Variants in FOXP2 observed in about 807,000 individuals in gnomAD.
The protein encoded by FOXP2 is forkhead box P2.
A neutral mutation model predicts 115.8 loss-of-function variants in FOXP2; 12 were observed. The ratio of observed to expected loss-of-function variants is 0.10; its 90% CI spans 0.07 to 0.17. The LOEUF is 0.17. Ranked by LOEUF, FOXP2 falls within the 10% of genes least tolerant of loss-of-function variation. FOXP2 has a pLI of 1.00. For synonymous variants in FOXP2, 328 were observed against 297.7 expected, an observed-to-expected ratio of 1.10 and a Z score of -1.05; for missense variants, 629 against 843.5, an observed-to-expected ratio of 0.75 and a Z score of 3.15.
chr7:114,158,615 C>A (rs1171277202), upstream of FOXP2, among the ~76,000 whole-genome samples: 2 of 151,978 alleles, frequency 1.3e-5, no homozygotes, highest in African/African-American at 4.8e-5. Context: ...ATATTTTTGT[C>A]TTTAGGTATT....
intron 3 of FOXP2, among the ~76,000 whole-genome samples, chr7:114,574,360 A>G (rs1469966025): frequency 2.6e-5 from 4 of 151,826 alleles, no homozygotes; most frequent in Non-Finnish European, 5.9e-5. Flanking sequence ...ATTGTTAGAG[A>G]ATACTTTTCA....
chr7:114,111,022 T>A (rs886981893), intron 1 of FOXP2, among the ~76,000 whole-genome samples: 3 of 152,254 alleles, frequency 2.0e-5, no homozygotes, highest in Admixed American at 1.3e-4. Context: ...GGAAAGAAAC[T>A]TTGTTAAATA....
At chr7:114,448,638 T>G (rs1037126835) in intron 2 of FOXP2, among the ~76,000 whole-genome samples, 3 of 152,112 alleles carry the variant, frequency 2.0e-5, no homozygotes, top group Non-Finnish European at 2.9e-5. Flanking sequence ...AATATACAAT[T>G]ACTTAGCCAT....
intron 2 of FOXP2, among the ~76,000 whole-genome samples, chr7:114,299,329 T>G (rs1390787371): frequency 2.0e-5 from 3 of 152,044 alleles, no homozygotes; most frequent in Admixed American, 2.0e-4. Flanking sequence ...TTCTCTTTTT[T>G]CTTTGCTAAC....
intron 16 of FOXP2, among the ~76,000 whole-genome samples, chr7:114,686,748 T>C (rs1459137560): frequency 6.6e-6 from 1 of 152,132 alleles, no homozygotes; most frequent in Non-Finnish European, 1.5e-5. Context: ...AATCTAAAAA[T>C]TTTGTGTGTA....
intron 3 of FOXP2, among the ~76,000 whole-genome samples, chr7:114,559,383 C>T (rs1800639842): frequency 6.6e-6 from 1 of 152,010 alleles, no homozygotes; most frequent in African/African-American, 2.4e-5. Flanking sequence ...GTGGAGACAG[C>T]CTGGATTCTG....
At position 114,463,371 on chromosome 7, in the gene FOXP2, C is replaced by G. The variant is rs141923073; in HGVS notation, c.168+36692C>G. Among the ~76,000 whole-genome samples, 1,093 of 152,238 alleles carry G rather than the reference C, an allele frequency of 7.2e-3. 15 individuals are homozygous for G. Among genetic ancestry groups the G allele is most frequent in the African/African-American group, 0.025 (1,027 of 41,538 alleles). ...TAAATGTTCCATACTCTTTGCTGTT[C>G]AACACAATGGCCACTATCCACATGT... On this transcript the variant is annotated intron_variant, in intron 2 of 16. Coordinates refer to ENST00000350908, the MANE Select transcript of FOXP2 (RefSeq NM_014491.4).
At chr7:114,435,695 A>G (rs1413804785) in intron 2 of FOXP2, among the ~76,000 whole-genome samples, 7 of 151,922 alleles carry the variant, frequency 4.6e-5, no homozygotes. Context: ...GTACCACCAT[A>G]CCCGGCTAAT....
chr7:114,248,042 A>C (rs1432650696), intron 1 of FOXP2, among the ~76,000 whole-genome samples: 2 of 152,104 alleles, frequency 1.3e-5, no homozygotes. Context: ...AACATCCAAG[A>C]TCTGTTGATG....
At chr7:114,517,210 T>C (rs564358783) in intron 2 of FOXP2, among the ~76,000 whole-genome samples, 1 of 152,274 alleles carries the variant, frequency 6.6e-6, no homozygotes, top group South Asian at 2.1e-4. Context: ...GTTTTCTTAT[T>C]ATTGAGTTGT....
intron 2 of FOXP2, among the ~76,000 whole-genome samples, chr7:114,472,704 G>T (rs745994188): frequency 6.6e-6 from 1 of 152,096 alleles, no homozygotes; most frequent in Non-Finnish European, 1.5e-5. Flanking sequence ...TCATAGATTT[G>T]TACTTGGTCT....
rs1331241429 is a variant in FOXP2 at position 114,631,636 on chromosome 7, C to T, written c.706C>T (p.Leu236Phe). The T allele has an allele frequency of 3.1e-6, 5 of 1,613,964 alleles. No individual in the cohort carries two copies. Among genetic ancestry groups the T allele is most frequent in the Non-Finnish European group, 4.2e-6 (5 of 1,180,022 alleles). ...QLQQQQHLLS[L>F]QRQGLISIPP... ...CCAGCAGCAGCAGCATCTGCTCAGC[C>T]TTCAGCGTCAGGGACTCATCTCCAT... Residue 236 changes from leucine (L) to phenylalanine (F), a missense_variant, in exon 6 of 17, where the codon CTT (leucine) becomes TTT (phenylalanine). This residue lies in a region of FOXP2 where 138 missense variants were observed against 205.1 expected (regional missense o/e 0.67). Transcript: ENST00000350908.
chr7:114,226,983 T>TGTTGAACC (rs1364905887), intron 1 of FOXP2, among the ~76,000 whole-genome samples: 1 of 152,160 alleles, frequency 6.6e-6, no homozygotes, highest in Non-Finnish European at 1.5e-5. Context: ...TACTCTAGTA[T>TGTTGAACC]GTTGAACCAC....
At chr7:114,341,592 TG>T (rs149794213) in intron 2 of FOXP2, among the ~76,000 whole-genome samples, 2,048 of 151,542 alleles carry the variant, frequency 0.014, 48 homozygotes, top group African/African-American at 0.047. Context: ...TAGGTGTTGA[TG>T]GCCTATAACT....
intron 2 of FOXP2, among the ~76,000 whole-genome samples, chr7:114,506,892 A>C (rs1158680112): frequency 6.6e-6 from 1 of 151,766 alleles, no homozygotes. Flanking sequence ...TATAAGCTAT[A>C]TTTATTGTGG....
intron 2 of FOXP2, chr7:114,288,153 T>C (rs1248735984): frequency 4.5e-6 from 2 of 445,500 alleles, no homozygotes; most frequent in Admixed American, 4.9e-5. Context: ...TCATTGTGCT[T>C]ATTTTTATTT....
At chr7:114,418,113 G>A (rs1208545954) in intron 1 of FOXP2, among the ~76,000 whole-genome samples, 2 of 152,042 alleles carry the variant, frequency 1.3e-5, no homozygotes, top group Middle Eastern at 3.4e-3. Flanking sequence ...GTGGTTATCT[G>A]TTTTTGTAGA....
intron 2 of FOXP2, among the ~76,000 whole-genome samples, chr7:114,325,500 AT>A (rs1584637341): frequency 1.3e-5 from 2 of 151,778 alleles, no homozygotes; most frequent in African/African-American, 2.4e-5. Flanking sequence ...ATGACTGATA[AT>A]TTTTTTTAAT....
At chr7:114,346,845 T>C (rs1791360929) in intron 2 of FOXP2, among the ~76,000 whole-genome samples, 1 of 151,624 alleles carries the variant, frequency 6.6e-6, no homozygotes, top group Non-Finnish European at 1.5e-5. Context: ...AAAGCTACAA[T>C]GAGGAGGAAT....
Sources: allele counts gnomAD v4.1 joint callset (sites outside exome capture counted in the v4.1 genomes callset), GRCh38; gene constraint gnomAD v4.1.1; regional missense constraint gnomAD v4.1.1; transcripts MANE v1.5; gene names NCBI Gene and HGNC (gene_info 2026-07-23, HGNC 2026-07-21).